ADNP: variants seen among roughly 807,000 people sequenced by gnomAD.
ADNP encodes the protein activity-dependent neuroprotector homeobox protein.
ADNP carries 4 observed loss-of-function variants against 84.9 expected under a neutral mutation model. That is an observed-to-expected ratio of 0.05 (90% CI 0.02 to 0.11). ADNP has a LOEUF of 0.11. ADNP is among the 10% of genes least tolerant of loss of function. The probability of loss-of-function intolerance (pLI) is 1.00; values close to 1 mark genes in which losing one functional copy is unlikely to be tolerated. For missense variants in ADNP, 1,132 were observed against 1,326.0 expected (o/e 0.85, Z 2.27); for synonymous variants, 554 against 468.1 (o/e 1.18, Z -2.37).
chr20:50,920,708 T>C (rs976547891), intron 2 of ADNP, among the ~76,000 whole-genome samples: 2 of 152,124 alleles, frequency 1.3e-5, no homozygotes, highest in African/African-American at 4.8e-5. Context: ...AGGTATGAGA[T>C]AATAGGATAC....
intron 1 of ADNP, among the ~76,000 whole-genome samples, chr20:50,930,245 G>C (rs935687827): frequency 6.6e-6 from 1 of 152,206 alleles, no homozygotes; most frequent in Non-Finnish European, 1.5e-5. Flanking sequence ...TGGGGAAAAG[G>C]GATGGTGGTG....
intron 1 of ADNP, 33 bp from the exon 2 acceptor site, chr20:50,928,858 G>A (rs1344269240): frequency 6.6e-6 from 1 of 152,216 alleles, no homozygotes; most frequent in Non-Finnish European, 1.5e-5. Context: ...AAAATCTATG[G>A]AAATCAACAC....
chr20:50,902,121 T>A lies in ADNP; in HGVS notation c.109-12A>T. ...AATTGTTTAAAATCCTAGAAAACAG[T>A]GAAATAAGTTTACAAAAACATAGTG... On this transcript the variant is annotated splice_polypyrimidine_tract_variant and intron_variant, in intron 4 of 5. Transcript: ENST00000621696. 1 of 1,573,446 alleles carries A rather than the reference T, an allele frequency of 6.4e-7. No individual in the cohort carries two copies.
At chr20:50,921,113 C>T (rs998497151) in intron 2 of ADNP, among the ~76,000 whole-genome samples, 1 of 152,174 alleles carries the variant, frequency 6.6e-6, no homozygotes, top group Admixed American at 6.5e-5. Context: ...CAAGTTAATG[C>T]TTAAGTCAGT....
intron 5 of ADNP, among the ~76,000 whole-genome samples, chr20:50,895,552 A>T (rs1173886018): frequency 6.6e-6 from 1 of 150,756 alleles, no homozygotes; most frequent in Non-Finnish European, 1.5e-5. Flanking sequence ...AAGTTTTACT[A>T]AAAAAAAAAT....
At chr20:50,913,713 T>A in intron 2 of ADNP, 1 of 324,000 alleles carries the variant, frequency 3.1e-6, no homozygotes, top group Non-Finnish European at 6.1e-6. Flanking sequence ...AAAACATCAA[T>A]CCTGGGAAAG....
intron 2 of ADNP, among the ~76,000 whole-genome samples, chr20:50,926,588 T>C (rs920976234): frequency 6.6e-6 from 1 of 152,166 alleles, no homozygotes; most frequent in African/African-American, 2.4e-5. Context: ...CAAAACTAAA[T>C]GTACTTTCCC....
chr20:50,915,065 T>C (rs1364307695), intron 2 of ADNP, among the ~76,000 whole-genome samples: 5 of 152,154 alleles, frequency 3.3e-5, no homozygotes, highest in African/African-American at 7.2e-5. Flanking sequence ...TCAGCTTACA[T>C]TGAAAAAATG....
intron 2 of ADNP, among the ~76,000 whole-genome samples, chr20:50,910,790 G>A (rs1377642576): frequency 6.6e-6 from 1 of 152,116 alleles, no homozygotes; most frequent in Admixed American, 6.6e-5. Flanking sequence ...AAGTAGATGA[G>A]ACTAGAGGTA....
intron 2 of ADNP, chr20:50,905,686 C>T (rs759579128): frequency 6.6e-6 from 1 of 152,186 alleles, no homozygotes; most frequent in Non-Finnish European, 1.5e-5. Context: ...CCTTATCATA[C>T]TCAAGATAGA....
rs1980574023 is a variant in ADNP, at chr20:50,890,470, A to G, written c.*935T>C. ...ATTAGATGGTATAAATGAATCCACC[A>G]TGATGGTGTTGAACTAAAGATAAAA... On this transcript the variant is annotated 3_prime_UTR_variant, in exon 6 of 6. Transcript: ENST00000621696. 6.6e-6 allele frequency: 1 copy of G among 152,624 alleles called. No homozygotes were observed. Among genetic ancestry groups the G allele is most frequent in the South Asian group, 2.1e-4 (1 of 4,836 alleles). The allele number at this position is 152,624 out of a possible 1,614,324, so 9.5% of individuals were successfully genotyped here.
chr20:50,912,036 G>A (rs749834143), intron 2 of ADNP, among the ~76,000 whole-genome samples: 21 of 152,160 alleles, frequency 1.4e-4, no homozygotes, highest in Non-Finnish European at 2.1e-4. Context: ...ACTAGTGAAT[G>A]CAAAACTTTC....
At chr20:50,897,286 A>G (rs1981505146) in intron 5 of ADNP, among the ~76,000 whole-genome samples, 1 of 152,122 alleles carries the variant, frequency 6.6e-6, no homozygotes. Context: ...GCACTGCTAA[A>G]TCCTTCACTG....
intron 2 of ADNP, among the ~76,000 whole-genome samples, chr20:50,926,998 C>A (rs559717643): frequency 6.6e-6 from 1 of 152,148 alleles, no homozygotes; most frequent in Non-Finnish European, 1.5e-5. Flanking sequence ...TAAGTAGTTA[C>A]AAGGAAAGCA....
intron 2 of ADNP, among the ~76,000 whole-genome samples, chr20:50,907,753 TTGTGTG>T (rs3069795): frequency 4.7e-5 from 7 of 150,528 alleles, no homozygotes; most frequent in African/African-American, 1.2e-4. Context: ...TGGCTATATT[TTGTGTG>T]TGTGTGTGTG....
intron 2 of ADNP, among the ~76,000 whole-genome samples, chr20:50,918,756 A>G (rs1600986687): frequency 6.6e-6 from 1 of 152,354 alleles, no homozygotes; most frequent in South Asian, 2.1e-4. Flanking sequence ...TTCCGCTACA[A>G]AAGTAGAAGA....
chr20:50,926,093 G>A (rs1400876317), intron 2 of ADNP, among the ~76,000 whole-genome samples: 2 of 152,156 alleles, frequency 1.3e-5, no homozygotes, highest in East Asian at 3.8e-4. Context: ...GAGCAAGACT[G>A]TCTCAAACAA....
rs1483960637 is a variant in ADNP at position 50,928,703 on chromosome 20, A to C, written c.-142T>G. 2 of 152,260 alleles carry C rather than the reference A, an allele frequency of 1.3e-5. No individual in the cohort carries two copies. The highest frequency in any genetic ancestry group is 2.9e-5 in the Non-Finnish European group (2 of 68,072). The allele number at this position is 152,260 out of a possible 1,614,324, so 9.4% of individuals were successfully genotyped here. On this transcript the variant is annotated 5_prime_UTR_variant, in exon 2 of 6. Coordinates refer to ENST00000621696, the MANE Select transcript of ADNP (RefSeq NM_001282531.3). Reference sequence around the variant, plus strand: ...GAGCAAGGCAGGAAACGGAGTCCAGATCCTCAAAATGGTAGTACAGGGCAT... The same window carrying C: ...GAGCAAGGCAGGAAACGGAGTCCAGCTCCTCAAAATGGTAGTACAGGGCAT...
intron 2 of ADNP, among the ~76,000 whole-genome samples, chr20:50,916,244 T>C (rs1983501747): frequency 6.6e-6 from 1 of 152,162 alleles, no homozygotes; most frequent in Admixed American, 6.6e-5. Flanking sequence ...CATGTGTGAA[T>C]CCTTTCTACA....
Sources: allele counts gnomAD v4.1 joint callset (sites outside exome capture counted in the v4.1 genomes callset), GRCh38; gene constraint gnomAD v4.1.1; transcripts MANE v1.5; gene names NCBI Gene and HGNC (gene_info 2026-07-23, HGNC 2026-07-21).